Variants in SKAP1 observed in about 807,000 individuals in gnomAD.
SKAP1 encodes the protein src kinase-associated phosphoprotein 1.
SKAP1 carries 44 observed loss-of-function variants against 58.5 expected under a neutral mutation model. The ratio of observed to expected loss-of-function variants is 0.75; its 90% CI spans 0.59 to 0.97. The LOEUF (loss-of-function observed/expected upper bound fraction) is 0.97, where lower values mean the gene tolerates loss of function less well. Ranked by LOEUF, SKAP1 falls within the 50% of genes least tolerant of loss-of-function variation. The pLI, the probability that SKAP1 is intolerant of heterozygous loss-of-function variation, is 0.00. For missense variants in SKAP1, 390 were observed against 435.2 expected (o/e 0.90, Z 0.92); for synonymous variants, 127 against 149.7 (o/e 0.85, Z 1.11).
chr17:48,432,413 G>C (rs2067924992), upstream of SKAP1, among the ~76,000 whole-genome samples: 1 of 151,270 alleles, frequency 6.6e-6, no homozygotes, highest in Admixed American at 6.6e-5. Context: ...TGGGTGACAG[G>C]GCAAGACTCC....
chr17:48,226,196 G>A (rs4534896), intron 4 of SKAP1, among the ~76,000 whole-genome samples: 22,710 of 152,196 alleles, frequency 0.15, 2,149 homozygotes, highest in Admixed American at 0.27. Flanking sequence ...TGTGAAATCC[G>A]TGGTCTCTCT....
rs557207493 is a variant in SKAP1, at chr17:48,297,045, T to C, written c.280+48860A>G. Among the ~76,000 whole-genome samples the C allele has an allele frequency of 4.7e-4, 71 of 152,274 alleles. 1 individual carries two copies. Among genetic ancestry groups the C allele is most frequent in the Admixed American group, 1.3e-3 (20 of 15,286 alleles). On this transcript the variant is annotated intron_variant, in intron 4 of 12. Transcript: ENST00000336915. ...TATTTCTAGATTTAAAAAAAATCCT[T>C]GTGTTACTTCCTTATAGACACTCCT...
intron 4 of SKAP1, among the ~76,000 whole-genome samples, chr17:48,338,883 C>T (rs1509636): frequency 0.023 from 3,428 of 152,234 alleles, 123 homozygotes; most frequent in African/African-American, 0.079. Flanking sequence ...ACTATATAAA[C>T]GACATGATTT....
At chr17:48,334,203 T>C (rs768214212) in intron 4 of SKAP1, among the ~76,000 whole-genome samples, 1 of 151,980 alleles carries the variant, frequency 6.6e-6, no homozygotes, top group Non-Finnish European at 1.5e-5. Context: ...TATTATACTG[T>C]TATCAACTTT....
rs1283094935 is a variant in SKAP1 at position 48,205,005 on chromosome 17, CTT to C, written c.281-15507_281-15506del. On this transcript the variant is annotated intron_variant, in intron 4 of 12. Coordinates refer to ENST00000336915, the MANE Select transcript of SKAP1 (RefSeq NM_003726.4). ...TCTTTCTTTCTTTCTTTCTTTCTTT[CTT>C]TCTTTCTTTTTCTTTCTTTCTTTCT... Among the ~76,000 whole-genome samples, 16 of 38,016 alleles carry C rather than the reference CTT, an allele frequency of 4.2e-4. No individual in the cohort carries two copies. The East Asian group carries it at 7.9e-3, about 19-fold the overall frequency. 24.9% of individuals were successfully genotyped at this position (38,016 alleles called of 152,430 possible).
intron 4 of SKAP1, among the ~76,000 whole-genome samples, chr17:48,332,093 T>C (rs2066514187): frequency 6.6e-6 from 1 of 152,216 alleles, no homozygotes; most frequent in African/African-American, 2.4e-5. Flanking sequence ...TTTTAGTTTG[T>C]TTTTTAAAAG....
chr17:48,175,295 G>C (rs981202576), intron 9 of SKAP1, among the ~76,000 whole-genome samples: 12 of 152,226 alleles, frequency 7.9e-5, no homozygotes, highest in African/African-American at 2.9e-4. Context: ...AATGCCAACT[G>C]TGTAAATGTG....
intron 2 of SKAP1, among the ~76,000 whole-genome samples, chr17:48,372,633 A>T (rs1488825373): frequency 6.6e-6 from 1 of 152,014 alleles, no homozygotes; most frequent in Non-Finnish European, 1.5e-5. Context: ...ATCTTCATAA[A>T]AACCCTAGGA....
At position 48,250,789 on chromosome 17, in the gene SKAP1, T is replaced by C. The variant is rs529616081; in HGVS notation, c.281-61289A>G. ...TGATATTTCCACACCTGCAGATATA[T>C]AGAGGAGTAAAAAGTGGATTAAGAA... On this transcript the variant is annotated intron_variant, in intron 4 of 12. Transcript: ENST00000336915. Among the ~76,000 whole-genome samples the C allele has an allele frequency of 3.9e-5, 6 of 152,226 alleles. No individual in the cohort carries two copies. The East Asian group carries it at 1.2e-3, about 29-fold the overall frequency.
intron 11 of SKAP1, among the ~76,000 whole-genome samples, chr17:48,138,172 A>C (rs1861007120): frequency 6.6e-6 from 1 of 152,136 alleles, no homozygotes; most frequent in African/African-American, 2.4e-5. Flanking sequence ...AAAGCTTCTC[A>C]AAAGCACAGC....
intron 4 of SKAP1, among the ~76,000 whole-genome samples, chr17:48,255,944 G>A (rs1162898848): frequency 4.6e-5 from 7 of 152,012 alleles, no homozygotes; most frequent in African/African-American, 9.7e-5. Flanking sequence ...AATCACTACC[G>A]TCTGCTCTCT....
chr17:48,366,243 T>C (rs923375695), intron 2 of SKAP1, among the ~76,000 whole-genome samples: 3 of 152,206 alleles, frequency 2.0e-5, no homozygotes, highest in African/African-American at 7.2e-5. Flanking sequence ...AATAAGTATG[T>C]TGCCATAATT....
chr17:48,278,007 T>C (rs1225216670), intron 4 of SKAP1, among the ~76,000 whole-genome samples: 1 of 152,232 alleles, frequency 6.6e-6, no homozygotes, highest in Non-Finnish European at 1.5e-5. Flanking sequence ...ATAAGAATTA[T>C]GCTTTGGGTT....
chr17:48,283,112 C>T (rs539833728), intron 4 of SKAP1, among the ~76,000 whole-genome samples: 4 of 152,146 alleles, frequency 2.6e-5, no homozygotes, highest in East Asian at 1.9e-4. Flanking sequence ...GTGGCTTAGA[C>T]GTGTTGGGCA....
At chr17:48,435,897 T>C in the SKAP1 span, among the ~76,000 whole-genome samples, 1 of 152,208 alleles carries the variant, frequency 6.6e-6, no homozygotes, top group South Asian at 2.1e-4. Context: ...CATTCTCAAA[T>C]ACAGACAGAA....
intron 4 of SKAP1, among the ~76,000 whole-genome samples, chr17:48,273,612 C>G (rs2065662197): frequency 6.6e-6 from 1 of 151,910 alleles, no homozygotes; most frequent in East Asian, 1.9e-4. Context: ...GAGGCGGGGT[C>G]TCACCACGTT....
intron 2 of SKAP1, among the ~76,000 whole-genome samples, chr17:48,386,304 A>T (rs1452634774): frequency 1.6e-5 from 2 of 124,100 alleles, no homozygotes; most frequent in South Asian, 5.4e-4. Flanking sequence ...ACCATGCTAG[A>T]CCTTTTTTTT....
intron 4 of SKAP1, among the ~76,000 whole-genome samples, chr17:48,239,047 A>G (rs988805475): frequency 1.3e-5 from 2 of 152,228 alleles, no homozygotes; most frequent in African/African-American, 2.4e-5. Flanking sequence ...TGACTTAGTG[A>G]CTTGAAAACA....
chr17:48,413,069 A>C (rs1407097391), intron 1 of SKAP1, among the ~76,000 whole-genome samples: 2 of 151,612 alleles, frequency 1.3e-5, no homozygotes, highest in Non-Finnish European at 1.5e-5. Context: ...AAAAAAAAAA[A>C]CCATAAAGAA....
Sources: allele counts gnomAD v4.1 joint callset (sites outside exome capture counted in the v4.1 genomes callset), GRCh38; gene constraint gnomAD v4.1.1; transcripts MANE v1.5; gene names NCBI Gene and HGNC (gene_info 2026-07-23, HGNC 2026-07-21).